PRLR: variants seen among roughly 807,000 people sequenced by gnomAD.
PRLR encodes the protein prolactin receptor.
In PRLR, 13 loss-of-function variants were observed where a neutral mutation model predicts 40.2. That is an observed-to-expected ratio of 0.32 (90% CI 0.21 to 0.51). The LOEUF (loss-of-function observed/expected upper bound fraction) is 0.51, where lower values mean the gene tolerates loss of function less well. Ranked by LOEUF, PRLR falls within the 20% of genes least tolerant of loss-of-function variation. The probability of loss-of-function intolerance (pLI) is 0.97; values close to 1 mark genes in which losing one functional copy is unlikely to be tolerated. For synonymous variants in PRLR, 269 were observed against 278.7 expected (o/e 0.97, Z 0.35); for missense variants, 656 against 747.3 (o/e 0.88, Z 1.42).
Position 35,064,074 on chromosome 5 carries a change from T to G in PRLR, c.*1015A>C, listed in dbSNP as rs1769201198. 1 of 152,216 alleles carries G rather than the reference T, an allele frequency of 6.6e-6. No individual in the cohort carries two copies. The highest frequency in any genetic ancestry group is 2.4e-5 in the African/African-American group (1 of 41,452). The allele number at this position is 152,216 out of a possible 1,614,324, so 9.4% of individuals were successfully genotyped here. On this transcript the variant is annotated 3_prime_UTR_variant, in exon 10 of 10. Coordinates refer to ENST00000618457, the MANE Select transcript of PRLR (RefSeq NM_000949.7). The stretch of plus-strand genomic sequence containing the variant: ...ACTACTATGTACTGTAAATACACAT[T>G]ATAACCTTGCAGCAGAAAATACTGT...
At chr5:35,078,101 A>C (rs897999970) in intron 5 of PRLR, among the ~76,000 whole-genome samples, 2 of 152,234 alleles carry the variant, frequency 1.3e-5, no homozygotes, top group Admixed American at 1.3e-4. Context: ...AAGAGAAAGC[A>C]GGGAAGATCT....
chr5:35,134,789 T>C (rs1773799010), intron 1 of PRLR, among the ~76,000 whole-genome samples: 2 of 152,212 alleles, frequency 1.3e-5, no homozygotes, highest in Admixed American at 6.5e-5. Flanking sequence ...GTGATGCACA[T>C]TGGAATCATC....
At chr5:35,219,614 T>C (rs575395452) in intron 1 of PRLR, among the ~76,000 whole-genome samples, 2 of 152,084 alleles carry the variant, frequency 1.3e-5, no homozygotes, top group African/African-American at 4.8e-5. Context: ...GTCAAAACAC[T>C]CAGAAAAGAG....
intron 1 of PRLR, among the ~76,000 whole-genome samples, chr5:35,191,460 G>A (rs1404576674): frequency 6.6e-6 from 1 of 152,188 alleles, no homozygotes; most frequent in Non-Finnish European, 1.5e-5. Flanking sequence ...GGGAGAAAGG[G>A]ACTTCTGAGG....
intron 1 of PRLR, among the ~76,000 whole-genome samples, chr5:35,202,795 T>C (rs1485285900): frequency 6.6e-6 from 1 of 152,228 alleles, no homozygotes; most frequent in Non-Finnish European, 1.5e-5. Context: ...ATATACTTTA[T>C]TGCCAGTAAT....
chr5:35,090,789 CTCTTTTTT>C (rs1771150482), intron 2 of PRLR, among the ~76,000 whole-genome samples: 1 of 105,070 alleles, frequency 9.5e-6, no homozygotes, highest in African/African-American at 3.3e-5. Flanking sequence ...CATCAATTAG[CTCTTTTTT>C]TTTTTTTTTT....
At chr5:35,184,241 C>T (rs191019947) in intron 1 of PRLR, among the ~76,000 whole-genome samples, 4 of 152,264 alleles carry the variant, frequency 2.6e-5, no homozygotes, top group East Asian at 1.9e-4. Flanking sequence ...TGGCCAGGCA[C>T]GGTGGCTCAC....
chr5:35,058,800 G>GT lies in PRLR; in HGVS notation c.*6288dup, dbSNP rs1768870147. The GT allele has an allele frequency of 6.6e-6, 1 of 152,000 alleles. No individual in the cohort carries two copies. The highest frequency in any genetic ancestry group is 2.4e-5 in the African/African-American group (1 of 41,340). 9.4% of individuals were successfully genotyped at this position (152,000 alleles called of 1,614,324 possible). A position where few individuals can be genotyped will look rare whatever the true frequency, so the allele number is the denominator to read the frequency against. On this transcript the variant is annotated 3_prime_UTR_variant, in exon 10 of 10. Transcript: ENST00000618457. ...ATAAAGCAATATAGTACAAAATAATGTAACAGTTACTGTAAAGTCAGTAAT... is the reference window on the plus strand; with the variant it reads ...ATAAAGCAATATAGTACAAAATAATGTTAACAGTTACTGTAAAGTCAGTAAT...
intron 1 of PRLR, among the ~76,000 whole-genome samples, chr5:35,134,386 G>GGTGA (rs1349679663): frequency 6.6e-6 from 1 of 151,532 alleles, no homozygotes; most frequent in East Asian, 1.9e-4. Context: ...TGGTCACTCT[G>GGTGA]GTGAATAAGG....
At chr5:35,070,067 A>G in intron 7 of PRLR, 57 bp downstream of exon 7, 4 of 1,559,862 alleles carry the variant, frequency 2.6e-6, no homozygotes, top group Non-Finnish European at 2.6e-6. Flanking sequence ...ATTATATGCA[A>G]ATATACCATT....
intron 2 of PRLR, among the ~76,000 whole-genome samples, chr5:35,092,412 A>C (rs1313570098): frequency 6.6e-6 from 1 of 152,190 alleles, no homozygotes; most frequent in Non-Finnish European, 1.5e-5. Context: ...ACAACTTCTC[A>C]CCCCTAAAGG....
chr5:35,221,608 C>T (rs893631077), intron 1 of PRLR, among the ~76,000 whole-genome samples: 1 of 152,022 alleles, frequency 6.6e-6, no homozygotes. Flanking sequence ...AGCTCTTAGC[C>T]CTGGATGCAC....
intron 9 of PRLR, among the ~76,000 whole-genome samples, chr5:35,066,447 G>A (rs968301330): frequency 2.0e-5 from 3 of 152,090 alleles, no homozygotes; most frequent in Non-Finnish European, 2.9e-5. Context: ...CTGACACTGC[G>A]GCCCACTGGC....
At position 35,058,055 on chromosome 5, in the gene PRLR, C is replaced by T. The variant is rs968721362; in HGVS notation, c.*7034G>A. On this transcript the variant is annotated 3_prime_UTR_variant, in exon 10 of 10. Coordinates refer to ENST00000618457, the MANE Select transcript of PRLR (RefSeq NM_000949.7). ...ATTCTTTCTGAATCTTTCTTGCAGC[C>T]GGTTTTTATAAAATATAAACATGTA... 6.6e-5 allele frequency: 10 copies of T among 151,630 alleles called. No homozygotes were observed. Among genetic ancestry groups the T allele is most frequent in the South Asian group, 2.1e-4 (1 of 4,812 alleles). 9.4% of individuals were successfully genotyped at this position (151,630 alleles called of 1,614,324 possible). A position where few individuals can be genotyped will look rare whatever the true frequency, so the allele number is the denominator to read the frequency against.
chr5:35,215,532 T>C (rs1004432957), intron 1 of PRLR, among the ~76,000 whole-genome samples: 1 of 152,312 alleles, frequency 6.6e-6, no homozygotes, highest in East Asian at 1.9e-4. Context: ...CCCTGGAATG[T>C]ATGTTTTAGT....
At chr5:35,201,799 T>C (rs1775889469) in intron 1 of PRLR, among the ~76,000 whole-genome samples, 1 of 152,148 alleles carries the variant, frequency 6.6e-6, no homozygotes, top group South Asian at 2.1e-4. Context: ...CAAATTCCCA[T>C]AAATTGGTAA....
rs1338373726 is a variant in PRLR at position 35,058,119 on chromosome 5, G to T, written c.*6970C>A. On this transcript the variant is annotated 3_prime_UTR_variant, in exon 10 of 10. Coordinates refer to ENST00000618457, the MANE Select transcript of PRLR (RefSeq NM_000949.7). ...AGAAACTCTTGCATAACCCTACAAA[G>T]TGATGAATTAGAAGGTGTTAAAAAA... The T allele has an allele frequency of 6.6e-6, 1 of 151,816 alleles. No homozygotes were observed. The highest frequency in any genetic ancestry group is 2.4e-5 in the African/African-American group (1 of 41,310). 9.4% of individuals were successfully genotyped at this position (151,816 alleles called of 1,614,324 possible). A position where few individuals can be genotyped will look rare whatever the true frequency, so the allele number is the denominator to read the frequency against.
At chr5:35,114,824 A>G (rs1407626040) in intron 2 of PRLR, among the ~76,000 whole-genome samples, 2 of 152,092 alleles carry the variant, frequency 1.3e-5, no homozygotes, top group Non-Finnish European at 2.9e-5. Flanking sequence ...CTCTCTTTCC[A>G]TTTGTTAACA....
intron 2 of PRLR, among the ~76,000 whole-genome samples, chr5:35,099,710 G>C (rs1014690086): frequency 6.6e-6 from 1 of 152,172 alleles, no homozygotes; most frequent in Non-Finnish European, 1.5e-5. Context: ...CAGACACTAT[G>C]TAGTTCTAGG....
Sources: allele counts gnomAD v4.1 joint callset (sites outside exome capture counted in the v4.1 genomes callset), GRCh38; gene constraint gnomAD v4.1.1; transcripts MANE v1.5; gene names NCBI Gene and HGNC (gene_info 2026-07-23, HGNC 2026-07-21).